Variants in PKIA observed in about 807,000 individuals in gnomAD.
PKIA encodes PKI-alpha.
Under a neutral mutation model 7.6 loss-of-function variants are expected in PKIA, and 4 were observed. That is an observed-to-expected ratio of 0.52 (90% confidence interval 0.26 to 1.20). PKIA has a LOEUF of 1.20. Ranked by LOEUF, PKIA falls within the 50% of genes most tolerant of loss-of-function variation. The pLI, the probability that PKIA is intolerant of heterozygous loss-of-function variation, is 0.13. For missense variants in PKIA, 73 were observed against 86.2 expected, an observed-to-expected ratio of 0.85 and a Z score of 0.61; for synonymous variants, 21 against 30.7, an observed-to-expected ratio of 0.68 and a Z score of 1.04.
intron 1 of PKIA, among the ~76,000 whole-genome samples, chr8:78,566,304 T>C (rs1807411140): frequency 1.3e-5 from 2 of 152,114 alleles, no homozygotes; most frequent in Admixed American, 1.3e-4. Flanking sequence ...AACATGTCTT[T>C]GTTGGCTGTT....
chr8:78,601,644 A>T (rs1003140291), intron 3 of PKIA, 98 bp from the exon 4 acceptor site: 2 of 869,896 alleles, frequency 2.3e-6, no homozygotes, highest in Admixed American at 2.1e-5. Context: ...AGGCCTATTT[A>T]GTATTTCTGA....
At chr8:78,580,302 T>C (rs1237991482) in intron 2 of PKIA, among the ~76,000 whole-genome samples, 2 of 152,076 alleles carry the variant, frequency 1.3e-5, no homozygotes, top group Non-Finnish European at 2.9e-5. Flanking sequence ...ATACTGCATA[T>C]TGTCTTTATA....
At chr8:78,544,329 T>C (rs1292667319) in intron 1 of PKIA, among the ~76,000 whole-genome samples, 3 of 152,208 alleles carry the variant, frequency 2.0e-5, no homozygotes, top group Non-Finnish European at 2.9e-5. Context: ...GTACTCTCTT[T>C]GCCTGAAGTT....
chr8:78,568,296 A>G (rs1444048440), intron 1 of PKIA, among the ~76,000 whole-genome samples: 2 of 152,160 alleles, frequency 1.3e-5, no homozygotes, highest in East Asian at 1.9e-4. Flanking sequence ...TTCACCTTCA[A>G]CAGAACACTT....
chr8:78,601,699 A>G, intron 3 of PKIA, 43 bp from the exon 4 acceptor site: 2 of 1,429,186 alleles, frequency 1.4e-6, no homozygotes, highest in African/African-American at 1.4e-5. Flanking sequence ...AAAAGCAATC[A>G]TTTTTATTTT....
At chr8:78,584,650 T>C (rs952622134) in intron 2 of PKIA, among the ~76,000 whole-genome samples, 1 of 152,138 alleles carries the variant, frequency 6.6e-6, no homozygotes, top group Non-Finnish European at 1.5e-5. Context: ...CTTAGAGTTA[T>C]GTAAATATGA....
intron 2 of PKIA, among the ~76,000 whole-genome samples, chr8:78,579,390 A>G (rs1193581352): frequency 4.6e-5 from 7 of 152,032 alleles, no homozygotes; most frequent in African/African-American, 1.7e-4. Flanking sequence ...GCCTTAGTCA[A>G]TGTTCCTTCT....
intron 1 of PKIA, among the ~76,000 whole-genome samples, chr8:78,529,619 C>G (rs1806344794): frequency 6.6e-6 from 1 of 151,864 alleles, no homozygotes; most frequent in African/African-American, 2.4e-5. Flanking sequence ...TGGGAATATC[C>G]TTTAAGACAT....
At chr8:78,586,452 T>G (rs1478617162) in intron 2 of PKIA, among the ~76,000 whole-genome samples, 1 of 152,094 alleles carries the variant, frequency 6.6e-6, no homozygotes, top group Non-Finnish European at 1.5e-5. Flanking sequence ...AGAGTGTGCT[T>G]TTACTATCAC....
chr8:78,594,743 G>A (rs2130266274), intron 2 of PKIA, among the ~76,000 whole-genome samples: 1 of 152,124 alleles, frequency 6.6e-6, no homozygotes, highest in South Asian at 2.1e-4. Flanking sequence ...CATTAGAGGT[G>A]GAAGGAAATA....
intron 3 of PKIA, among the ~76,000 whole-genome samples, chr8:78,599,360 C>G (rs1808302669): frequency 6.6e-6 from 1 of 151,990 alleles, no homozygotes; most frequent in African/African-American, 2.4e-5. Flanking sequence ...GCACTTATCA[C>G]AGTTTCTGAC....
At position 78,598,372 on chromosome 8, in the gene PKIA, A is replaced by G; in HGVS notation, c.-13A>G. ...TTCTTTTGTAGTCCCTGCTATGTGG[A>G]TATTTGGTAGCAATGACTGATGTGG... On this transcript the variant is annotated 5_prime_UTR_variant, in exon 3 of 4. Coordinates refer to ENST00000396418, the MANE Select transcript of PKIA (RefSeq NM_006823.4). 6.2e-7 allele frequency: 1 copy of G among 1,603,850 alleles called. No individual in the cohort carries two copies. Among genetic ancestry groups the G allele is most frequent in the Non-Finnish European group, 8.5e-7 (1 of 1,172,994 alleles).
intron 1 of PKIA, among the ~76,000 whole-genome samples, chr8:78,520,692 T>A (rs1445593044): frequency 6.6e-6 from 1 of 152,202 alleles, no homozygotes; most frequent in African/African-American, 2.4e-5. Flanking sequence ...AACTTTTAGG[T>A]TAACATCTCA....
At chr8:78,524,151 T>C (rs1198262824) in intron 1 of PKIA, among the ~76,000 whole-genome samples, 2 of 139,438 alleles carry the variant, frequency 1.4e-5, no homozygotes, top group African/African-American at 2.6e-5. Flanking sequence ...CATTTATATT[T>C]ATATATAAAT....
chr8:78,553,060 C>T (rs953474883), intron 1 of PKIA, among the ~76,000 whole-genome samples: 71 of 147,774 alleles, frequency 4.8e-4, no homozygotes, highest in Non-Finnish European at 8.6e-4. Context: ...TACATATACA[C>T]ACATAACGTA....
At chr8:78,522,046 A>G (rs1054841006) in intron 1 of PKIA, among the ~76,000 whole-genome samples, 6 of 151,930 alleles carry the variant, frequency 3.9e-5, no homozygotes, top group African/African-American at 1.4e-4. Context: ...TCCATATTTC[A>G]GCATGTATCA....
At position 78,603,227 on chromosome 8, in the gene PKIA, T is replaced by A. The variant is rs2130303380; in HGVS notation, c.*1406T>A. 1 of 152,490 alleles carries A rather than the reference T, an allele frequency of 6.6e-6. No homozygotes were observed. Among genetic ancestry groups the A allele is most frequent in the Non-Finnish European group, 1.5e-5 (1 of 67,922 alleles). 9.4% of individuals were successfully genotyped at this position (152,490 alleles called of 1,614,324 possible). ...AAGGAACCAGTAATATGCCAATGGTTCATGAATTACTGGACAAATAGCAGA... is the reference window on the plus strand; with the variant it reads ...AAGGAACCAGTAATATGCCAATGGTACATGAATTACTGGACAAATAGCAGA... On this transcript the variant is annotated 3_prime_UTR_variant, in exon 4 of 4. Coordinates refer to ENST00000396418, the MANE Select transcript of PKIA (RefSeq NM_006823.4).
chr8:78,574,780 A>G (rs1807635061), intron 2 of PKIA, among the ~76,000 whole-genome samples: 1 of 152,002 alleles, frequency 6.6e-6, no homozygotes, highest in Non-Finnish European at 1.5e-5. Context: ...GTACTTATCA[A>G]TAAGCTACAA....
chr8:78,600,938 A>C (rs951052789), intron 3 of PKIA, among the ~76,000 whole-genome samples: 15 of 152,094 alleles, frequency 9.9e-5, no homozygotes, highest in African/African-American at 3.4e-4. Flanking sequence ...TTATTGCAAC[A>C]CCTGAAAACA....
Sources: gnomAD v4.1 joint callset for allele counts (sites outside exome capture counted in the v4.1 genomes callset) on GRCh38, gnomAD v4.1.1 for gene constraint, MANE v1.5 for transcripts, NCBI Gene and HGNC (gene_info 2026-07-23, HGNC 2026-07-21) for gene names.